The following GSE1 variants were observed in gnomAD, a reference collection of about 807,000 sequenced individuals.
GSE1 encodes genetic suppressor element 1.
Under a neutral mutation model 112.6 loss-of-function variants are expected in GSE1, and 32 were observed. The ratio of observed to expected loss-of-function variants is 0.28; its 90% CI spans 0.21 to 0.38. GSE1 has a LOEUF of 0.38. Among genes scored for constraint, GSE1 ranks in the 10% least tolerant of loss-of-function variants. The pLI is 1.00. For synonymous variants in GSE1, 1,115 were observed against 735.6 expected (o/e 1.52, Z -8.35); for missense variants, 2,348 against 1,699.2 (o/e 1.38, Z -6.71).
intron 1 of GSE1, among the ~76,000 whole-genome samples, chr16:85,175,546 G>A (rs573614654): frequency 5.3e-5 from 8 of 152,334 alleles, no homozygotes; most frequent in East Asian, 1.9e-4. Context: ...GTGGGGTTGC[G>A]GATGCGTTGA....
chr16:85,500,462 C>T (rs963783871), intron 2 of GSE1, among the ~76,000 whole-genome samples: 1 of 152,238 alleles, frequency 6.6e-6, no homozygotes, highest in Non-Finnish European at 1.5e-5. Context: ...CACAGCCCAG[C>T]CTTCGATTCC....
intron 1 of GSE1, among the ~76,000 whole-genome samples, chr16:85,308,817 T>C (rs115144382): frequency 6.7e-6 from 1 of 150,302 alleles, no homozygotes; most frequent in African/African-American, 2.5e-5. Context: ...TTCAGCCTTC[T>C]CAGATCCAAT....
At chr16:85,322,930 G>C (rs1382836384) in intron 1 of GSE1, among the ~76,000 whole-genome samples, 5 of 152,148 alleles carry the variant, frequency 3.3e-5, no homozygotes, top group Non-Finnish European at 7.4e-5. Flanking sequence ...TTTTGCTTTT[G>C]AGGAAACTGA....
intron 1 of GSE1, among the ~76,000 whole-genome samples, chr16:85,176,986 C>T (rs1040056467): frequency 2.0e-5 from 3 of 152,252 alleles, no homozygotes; most frequent in Admixed American, 2.0e-4. Context: ...CCACAGGAGG[C>T]AGCCTGGCTG....
At chr16:85,380,640 A>G (rs1299215152) in intron 2 of GSE1, among the ~76,000 whole-genome samples, 2 of 152,160 alleles carry the variant, frequency 1.3e-5, no homozygotes, top group South Asian at 2.1e-4. Context: ...ATTAGACGGT[A>G]GCTATTTGAA....
intron 1 of GSE1, among the ~76,000 whole-genome samples, chr16:85,234,588 A>T (rs1477623263): frequency 6.6e-6 from 1 of 152,166 alleles, no homozygotes; most frequent in Non-Finnish European, 1.5e-5. Context: ...CTGTGTCCTC[A>T]TTCCCAATTT....
At chr16:85,546,160 C>T (rs1487438036) in intron 2 of GSE1, among the ~76,000 whole-genome samples, 1 of 152,186 alleles carries the variant, frequency 6.6e-6, no homozygotes, top group Admixed American at 6.5e-5. Context: ...TCTCAGCTCA[C>T]TGCACCTTCC....
At position 85,663,563 on chromosome 16, in the gene GSE1, A is replaced by C. The variant is rs753750913; in HGVS notation, c.2593A>C (p.Lys865Gln). The stretch of plus-strand genomic sequence containing the variant: ...CAGTCCCAACTTCGAAGAAAAGAAG[A>C]AGTTCCTGACCATCTTCAACCTGAC... Reference protein sequence around the residue: ...NNSPNFEEKKKFLTIFNLTHI... With the variant: ...NNSPNFEEKKQFLTIFNLTHI... Residue 865 changes from lysine to glutamine, a missense_variant, in exon 11 of 16, where the codon AAG becomes CAG. Lys to Gln is a moderately conservative substitution (Grantham distance 53). Coordinates refer to ENST00000253458, the MANE Select transcript of GSE1 (RefSeq NM_014615.5). 6.2e-7 allele frequency: 1 copy of C among 1,613,944 alleles called. No individual in the cohort carries two copies. Among genetic ancestry groups the C allele is most frequent in the Non-Finnish European group, 8.5e-7 (1 of 1,180,008 alleles).
intron 1 of GSE1, among the ~76,000 whole-genome samples, chr16:85,259,888 G>T (rs952911386): frequency 3.9e-5 from 6 of 152,332 alleles, no homozygotes; most frequent in Admixed American, 3.9e-4. Context: ...GAGGACATCT[G>T]TTGACCTACC....
At position 85,673,914 on chromosome 16, in the gene GSE1, G is replaced by A. The variant is rs1306595787; in HGVS notation, c.*1375G>A. 6.6e-6 allele frequency: 1 copy of A among 152,266 alleles called. No homozygotes were observed. The highest frequency in any genetic ancestry group is 1.5e-5 in the Non-Finnish European group (1 of 68,060). 9.4% of individuals were successfully genotyped at this position (152,266 alleles called of 1,614,324 possible). A position where few individuals can be genotyped will look rare whatever the true frequency, so the allele number is the denominator to read the frequency against. ...AGGCTTTGTTTAAACGCAAAGCTTT[G>A]TAAAAGCCACAAGGTCTGAGCTGAA... On this transcript the variant is annotated 3_prime_UTR_variant, in exon 16 of 16. Transcript: ENST00000253458.
intron 1 of GSE1, among the ~76,000 whole-genome samples, chr16:85,314,201 G>GGA (rs1488047164): frequency 6.6e-6 from 1 of 152,260 alleles, no homozygotes; most frequent in East Asian, 1.9e-4. Context: ...CGGGGAGTGA[G>GGA]AAGGAAAGGA....
upstream of GSE1, chr16:85,613,316 A>C (rs1218858922): frequency 1.5e-5 from 23 of 1,549,434 alleles, no homozygotes; most frequent in Non-Finnish European, 1.8e-5. Flanking sequence ...CCCGGGTGAG[A>C]TAAGCAGTTT....
chr16:85,661,880 G>A, intron 9 of GSE1, 115 bp downstream of exon 9: 1 of 1,073,734 alleles, frequency 9.3e-7, no homozygotes, highest in South Asian at 1.7e-5. Context: ...GCCTGGGGTA[G>A]TCCCAGGCCC....
chr16:85,417,969 G>A (rs746080179), intron 2 of GSE1, among the ~76,000 whole-genome samples: 1 of 152,228 alleles, frequency 6.6e-6, no homozygotes, highest in Non-Finnish European at 1.5e-5. Flanking sequence ...CTTCCGAGTA[G>A]CTGGGATTAC....
Position 85,373,583 on chromosome 16 carries a change from C to T in GSE1, c.2464+15940C>T, listed in dbSNP as rs935859022. On this transcript the variant is annotated intron_variant, in intron 2 of 2. Coordinates refer to the GSE1 transcript ENST00000637419. This position sits in a 1 kb window ranked among gnomAD's most constrained non-coding sequence, Gnocchi z 5.1. ...TATAGCAGGGATTCAGTGACCGCAT[C>T]GCTACTATGTGTCCTCCCAGCCTGG... Among the ~76,000 whole-genome samples the T allele has an allele frequency of 6.6e-5, 10 of 152,100 alleles. No homozygotes were observed. Among genetic ancestry groups the T allele is most frequent in the Non-Finnish European group, 8.8e-5 (6 of 68,008 alleles).
At chr16:85,230,865 G>A (rs1904277619) in intron 1 of GSE1, among the ~76,000 whole-genome samples, 2 of 151,746 alleles carry the variant, frequency 1.3e-5, no homozygotes, top group Admixed American at 1.3e-4. Flanking sequence ...ATGGATGGAT[G>A]GATGAGTGGA....
At chr16:85,404,943 C>G (rs1333689039) in intron 2 of GSE1, among the ~76,000 whole-genome samples, 6 of 27,526 alleles carry the variant, frequency 2.2e-4, no homozygotes, top group African/African-American at 6.2e-4. Flanking sequence ...ATAATCCTCA[C>G]TGTTACTCTC....
intron 1 of GSE1, among the ~76,000 whole-genome samples, chr16:85,343,053 G>A (rs918300838): frequency 1.3e-5 from 2 of 151,994 alleles, no homozygotes; most frequent in African/African-American, 4.8e-5. Context: ...CTGAGCTGCT[G>A]GATGTGCCTC....
chr16:85,671,402 T>TGCAGTCC (rs1377308625), intron 15 of GSE1, among the ~76,000 whole-genome samples: 140 of 127,672 alleles, frequency 1.1e-3, no homozygotes, highest in Non-Finnish European at 1.6e-3. Flanking sequence ...ATTGCGCCAC[T>TGCAGTCC]GCACTCCAGC....
Sources: allele counts gnomAD v4.1 joint callset (sites outside exome capture counted in the v4.1 genomes callset), GRCh38; gene constraint gnomAD v4.1.1; non-coding constraint Gnocchi (gnomAD v3.1); transcripts MANE v1.5; gene names NCBI Gene and HGNC (gene_info 2026-07-23, HGNC 2026-07-21).